Variants in MYO15B observed in about 807,000 individuals in gnomAD.
MYO15B encodes myosin XVB.
MYO15B carries 207 observed loss-of-function variants against 119.3 expected under a neutral mutation model. The ratio of observed to expected loss-of-function variants is 1.73; its 90% CI spans 1.55 to 1.95. The LOEUF (loss-of-function observed/expected upper bound fraction) is 1.95, where lower values mean the gene tolerates loss of function less well. Among genes scored for constraint, MYO15B ranks in the 30% most tolerant of loss-of-function variants. The pLI, the probability that MYO15B is intolerant of heterozygous loss-of-function variation, is 0.00. For synonymous variants in MYO15B, 966 were observed against 498.9 expected (o/e 1.94, Z -12.48); for missense variants, 2,264 against 1,203.1 (o/e 1.88, Z -13.04).
exon 33 of MYO15B, chr17:75,615,001 G>A (rs536468790): frequency 2.8e-6 from 2 of 703,060 alleles, no homozygotes; most frequent in African/African-American, 1.7e-5. Flanking sequence ...CGCATGAAGG[G>A]AGGGGGCGCC....
chr17:75,613,469 G>T, exon 28 of MYO15B: 1 of 679,100 alleles, frequency 1.5e-6, no homozygotes, highest in Non-Finnish European at 2.6e-6. Context: ...TTCACCTTCA[G>T]CGGTGAGGGC....
At chr17:75,624,121 G>A in intron 55 of MYO15B, 54 bp from the exon 56 acceptor site, 1 of 702,740 alleles carries the variant, frequency 1.4e-6, no homozygotes, top group Non-Finnish European at 2.6e-6. Context: ...CTGGGAACTT[G>A]GTGGGCTTGG....
chr17:75,601,691 A>G (rs560567162), intron 15 of MYO15B, 128 bp downstream of exon 15: 2 of 625,992 alleles, frequency 3.2e-6, no homozygotes, highest in East Asian at 2.7e-5. Context: ...ACCTGTCCCT[A>G]CCTGAGCCAT....
rs1179431299 is a variant in MYO15B, at chr17:75,591,586, C to T, written c.2436-15C>T. Reference sequence around the variant, plus strand: ...TGCCCCTCCCTGGAGACCCTACCAACCAACACATCCTTAGCTCCTCCCACT... The same window carrying T: ...TGCCCCTCCCTGGAGACCCTACCAATCAACACATCCTTAGCTCCTCCCACT... On this transcript the variant is annotated splice_polypyrimidine_tract_variant and intron_variant, in intron 4 of 63. Transcript: ENST00000645453. 1.4e-6 allele frequency: 1 copy of T among 702,724 alleles called. No homozygotes were observed. The highest frequency in any genetic ancestry group is 2.6e-6 in the Non-Finnish European group (1 of 384,946). The allele number at this position is 702,724 out of a possible 1,614,324, so 43.5% of individuals were successfully genotyped here. A position where few individuals can be genotyped will look rare whatever the true frequency, so the allele number is the denominator to read the frequency against.
At chr17:75,590,399 G>A (rs1336875666) in intron 1 of MYO15B, 156 bp downstream of exon 1, 1 of 397,942 alleles carries the variant, frequency 2.5e-6, no homozygotes, top group East Asian at 3.6e-5. Context: ...AGGGGCAACA[G>A]GTGCTACGTC....
At chr17:75,597,628 A>G (rs980161444) in intron 14 of MYO15B, among the ~76,000 whole-genome samples, 1 of 152,200 alleles carries the variant, frequency 6.6e-6, no homozygotes, top group South Asian at 2.1e-4. Context: ...ATGTTCATTT[A>G]AAAAAACAGG....
At chr17:75,592,383 T>C (rs1355792100) in intron 7 of MYO15B, 45 bp from the exon 8 acceptor site, 1 of 689,676 alleles carries the variant, frequency 1.4e-6, no homozygotes, top group Non-Finnish European at 2.6e-6. Flanking sequence ...GTGTGGCCTC[T>C]AAGCCCCTAG....
chr17:75,622,411 T>C (rs533513498), intron 53 of MYO15B, among the ~76,000 whole-genome samples: 1 of 152,008 alleles, frequency 6.6e-6, no homozygotes, highest in East Asian at 1.9e-4. Flanking sequence ...AGGCAACAGT[T>C]CAGATGTGGG....
Position 75,624,283 on chromosome 17 carries a change from C to G in MYO15B, c.8367+14C>G, listed in dbSNP as rs766880062. On this transcript the variant is annotated intron_variant, in intron 56 of 63. Coordinates refer to ENST00000645453, the Ensembl canonical transcript of MYO15B. Reference sequence around the variant, plus strand: ...AAGGCTTTCCTGGTACTGGGGGTGGCGGATGGGCATTGTGGGACACCCTGG... The same window carrying G: ...AAGGCTTTCCTGGTACTGGGGGTGGGGGATGGGCATTGTGGGACACCCTGG... The G allele has an allele frequency of 2.6e-5, 18 of 702,710 alleles. No individual in the cohort carries two copies. Among genetic ancestry groups the G allele is most frequent in the South Asian group, 2.5e-4 (17 of 67,576 alleles). 43.5% of individuals were successfully genotyped at this position (702,710 alleles called of 1,614,324 possible). A position where few individuals can be genotyped will look rare whatever the true frequency, so the allele number is the denominator to read the frequency against.
rs2056299501 is a variant in MYO15B at position 75,589,486 on chromosome 17, G to T, written c.1429G>T (p.Gly477Cys). ...GCGGGGTCACGAGAGAGGTGACGAG[G>T]GCCGGGACCACCAGAGAGGGTACGA... The change falls in exon 1 of 64, where the codon GGC (glycine) becomes TGC (cysteine). Residue 477 changes from glycine to cysteine, a missense_variant. Gly to Cys is a radical substitution (Grantham distance 159). Coordinates refer to ENST00000645453, the Ensembl canonical transcript of MYO15B. The surrounding 1 kb of genome is among the most constrained non-coding windows in gnomAD (Gnocchi z 4.2). 2.5e-6 allele frequency: 1 copy of T among 396,050 alleles called. No individual in the cohort carries two copies. Among genetic ancestry groups the T allele is most frequent in the East Asian group, 3.6e-5 (1 of 27,802 alleles). The allele number at this position is 396,050 out of a possible 1,614,324, so 24.5% of individuals were successfully genotyped here. A position where few individuals can be genotyped will look rare whatever the true frequency, so the allele number is the denominator to read the frequency against.
intron 14 of MYO15B, among the ~76,000 whole-genome samples, chr17:75,601,236 A>T (rs2057261447): frequency 6.6e-6 from 1 of 152,028 alleles, no homozygotes; most frequent in African/African-American, 2.4e-5. Flanking sequence ...ATGGGATCTC[A>T]CTAGGTTGCC....
At position 75,590,912 on chromosome 17, in the gene MYO15B, T is replaced by TG; in HGVS notation, c.2262dup (p.Pro755AlafsTer18). On this transcript the variant is annotated frameshift_variant, in exon 3 of 64. Coordinates refer to ENST00000645453, the Ensembl canonical transcript of MYO15B. LOFTEE classifies it high-confidence loss of function. ...GAGCTTGTTTTCCTCCCCAGACCTT[T>TG]GGGGGGCCTGTCTTGCTTGTTCTGA... 8.3e-6 allele frequency: 4 copies of TG among 484,116 alleles called. No individual in the cohort carries two copies. Among genetic ancestry groups the TG allele is most frequent in the South Asian group, 4.6e-5 (2 of 43,674 alleles). The allele number at this position is 484,116 out of a possible 1,614,324, so 30.0% of individuals were successfully genotyped here.
chr17:75,617,974 C>T (rs1465447165), intron 42 of MYO15B, 52 bp downstream of exon 42: 23 of 696,024 alleles, frequency 3.3e-5, no homozygotes, highest in Admixed American at 8.0e-5. Flanking sequence ...GGCAGGGAGG[C>T]GGCAGGCTTT....
intron 21 of MYO15B, among the ~76,000 whole-genome samples, chr17:75,609,815 G>A (rs2057904439): frequency 6.7e-6 from 1 of 150,092 alleles, no homozygotes; most frequent in Non-Finnish European, 1.5e-5. Flanking sequence ...AAGTGATTCT[G>A]GTGCCTCAGC....
rs1490128194 is a variant in MYO15B at position 75,592,854 on chromosome 17, T to C, written c.2991+14T>C. ...TCCTCCTCAGAGGTGGGCTTCCCCGTGGGCAGGGGCCATCTGGGGTGCTGG... is the reference window on the plus strand; with the variant it reads ...TCCTCCTCAGAGGTGGGCTTCCCCGCGGGCAGGGGCCATCTGGGGTGCTGG... On this transcript the variant is annotated intron_variant, in intron 9 of 63. Coordinates refer to ENST00000645453, the Ensembl canonical transcript of MYO15B. 1.4e-6 allele frequency: 1 copy of C among 698,900 alleles called. No homozygotes were observed. The highest frequency in any genetic ancestry group is 2.6e-6 in the Non-Finnish European group (1 of 382,446). The allele number at this position is 698,900 out of a possible 1,614,324, so 43.3% of individuals were successfully genotyped here.
chr17:75,601,466 G>A (rs1167891314), exon 15 of MYO15B: 1 of 703,094 alleles, frequency 1.4e-6, no homozygotes, highest in Non-Finnish European at 2.6e-6. Context: ...CTCCAGAAGA[G>A]CCACTATCAC....
chr17:75,613,311 C>T (rs1309709815), exon 28 of MYO15B: 1 of 671,844 alleles, frequency 1.5e-6, no homozygotes, highest in Non-Finnish European at 2.7e-6. Flanking sequence ...CTGACCAGGC[C>T]CCCAGGGGCA....
intron 52 of MYO15B, 199 bp downstream of exon 52, chr17:75,621,769 G>A (rs2058726209): frequency 1.7e-6 from 1 of 601,290 alleles, no homozygotes; most frequent in Non-Finnish European, 3.0e-6. Context: ...GGAGTCTGGG[G>A]TTGGAAGGCA....
chr17:75,605,343 A>G (rs536976989), intron 19 of MYO15B, among the ~76,000 whole-genome samples, 161 bp from the exon 20 acceptor site: 1 of 151,888 alleles, frequency 6.6e-6, no homozygotes, highest in South Asian at 2.1e-4. Flanking sequence ...AGGCTGAGGC[A>G]GGGGAATGGC....
Sources: gnomAD v4.1 joint callset for allele counts (sites outside exome capture counted in the v4.1 genomes callset) on GRCh38, gnomAD v4.1.1 for gene constraint, Gnocchi (gnomAD v3.1) non-coding constraint, MANE v1.5 for transcripts, NCBI Gene and HGNC (gene_info 2026-07-23, HGNC 2026-07-21) for gene names.